Variants in PTPRT observed in about 807,000 individuals in gnomAD.
PTPRT encodes the protein protein tyrosine phosphatase receptor type T, also known as receptor-type tyrosine-protein phosphatase T.
Under a neutral mutation model 176.8 loss-of-function variants are expected in PTPRT, and 56 were observed. That is an observed-to-expected ratio of 0.32 (90% CI 0.26 to 0.40). The LOEUF (loss-of-function observed/expected upper bound fraction) is 0.40, where lower values mean the gene tolerates loss of function less well. Ranked by LOEUF, PTPRT falls within the 10% of genes least tolerant of loss-of-function variation. The pLI is 1.00. For missense variants in PTPRT, 1,540 were observed against 1,908.2 expected, an observed-to-expected ratio of 0.81 and a Z score of 3.60; for synonymous variants, 783 against 739.0, an observed-to-expected ratio of 1.06 and a Z score of -0.96.
chr20:42,446,398 G>A (rs939986339), intron 9 of PTPRT, among the ~76,000 whole-genome samples: 1 of 152,112 alleles, frequency 6.6e-6, no homozygotes, highest in Non-Finnish European at 1.5e-5. Context: ...AAGTACCCTA[G>A]GTTAGTCCCC....
rs761921500 is a variant in PTPRT, at chr20:42,274,716, C to A, written c.2176+7773G>T. Among the ~76,000 whole-genome samples, 8 of 152,050 alleles carry A rather than the reference C, an allele frequency of 5.3e-5. No individual in the cohort carries two copies. In the East Asian group the frequency reaches 5.8e-4, roughly 11 times the overall value. On this transcript the variant is annotated intron_variant, in intron 13 of 30. Coordinates refer to ENST00000373187, the MANE Select transcript of PTPRT (RefSeq NM_007050.6). ...TGCTGGGCTACAGATGGCCCTGGAG[C>A]AGACAACCCTGAAGACTAACTAATT... is the stretch of plus-strand genomic sequence containing the variant.
intron 15 of PTPRT, among the ~76,000 whole-genome samples, chr20:42,211,594 G>A (rs1222516679): frequency 6.7e-6 from 1 of 148,548 alleles, no homozygotes; most frequent in Admixed American, 6.7e-5. Flanking sequence ...AAACCACAAT[G>A]AGATACCATC....
At position 42,656,755 on chromosome 20, in the gene PTPRT, G is replaced by A. The variant is rs572770373; in HGVS notation, c.1153+21111C>T. Among the ~76,000 whole-genome samples the A allele has an allele frequency of 5.3e-5, 8 of 152,218 alleles. No homozygotes were observed. The East Asian group carries it at 9.6e-4, about 18-fold the overall frequency. The stretch of plus-strand genomic sequence containing the variant: ...AAAATTAGGAAAAACTTACATGTCT[G>A]GAAATCAAAGTTAGGATGAAATCAA... On this transcript the variant is annotated intron_variant, in intron 7 of 30. Coordinates refer to ENST00000373187, the MANE Select transcript of PTPRT (RefSeq NM_007050.6).
At position 42,351,685 on chromosome 20, in the gene PTPRT, AATTC is replaced by A. The variant is rs56938076; in HGVS notation, c.1762+395_1762+398del. ...TGGACTACTGTGGCCCTATAATAGTAATTCATTCATTCATTCATTCATTCATTCA... is the reference window on the plus strand; with the variant it reads ...TGGACTACTGTGGCCCTATAATAGTAATTCATTCATTCATTCATTCATTCA... On this transcript the variant is annotated intron_variant, in intron 10 of 30. Coordinates refer to ENST00000373187, the MANE Select transcript of PTPRT (RefSeq NM_007050.6). Among the ~76,000 whole-genome samples the A allele has an allele frequency of 1.5e-3, 219 of 150,948 alleles. No homozygotes were observed. The Middle Eastern group carries it at 0.024, about 17-fold the overall frequency.
At chr20:42,485,596 C>CT (rs902278977) in intron 7 of PTPRT, among the ~76,000 whole-genome samples, 7 of 151,490 alleles carry the variant, frequency 4.6e-5, no homozygotes, top group Middle Eastern at 3.2e-3. Flanking sequence ...GAAGTACTAC[C>CT]TTTTTTTTTC....
intron 3 of PTPRT, among the ~76,000 whole-genome samples, chr20:42,787,228 A>ATATAATT (rs2077304831): frequency 1.3e-5 from 2 of 152,208 alleles, no homozygotes; most frequent in Non-Finnish European, 2.9e-5. Flanking sequence ...TAGGAAGACT[A>ATATAATT]TATAATTTAT....
intron 15 of PTPRT, among the ~76,000 whole-genome samples, chr20:42,218,052 C>T (rs2055813190): frequency 6.6e-6 from 1 of 152,218 alleles, no homozygotes; most frequent in Non-Finnish European, 1.5e-5. Context: ...GCATGCTCTC[C>T]TCCTCACCCA....
chr20:42,528,455 T>TA (rs767833599), intron 7 of PTPRT, among the ~76,000 whole-genome samples: 14 of 151,924 alleles, frequency 9.2e-5, no homozygotes, highest in Non-Finnish European at 2.1e-4. Flanking sequence ...AATAAATGGA[T>TA]AATGAATGGA....
chr20:42,364,253 G>A (rs751218778), intron 9 of PTPRT, among the ~76,000 whole-genome samples: 12 of 152,124 alleles, frequency 7.9e-5, no homozygotes, highest in Admixed American at 1.3e-4. Flanking sequence ...GGGCCAGTGC[G>A]GGGCTGAAGG....
chr20:42,448,303 T>C lies in PTPRT; in HGVS notation c.1477A>G (p.Ile493Val), dbSNP rs1293077894. Residue 493 changes from isoleucine to valine, a missense_variant, in exon 9 of 31, where the codon ATC becomes GTC. Around this residue, in one of 11 missense-constraint regions of PTPRT, gnomAD observed 136 missense variants for 135.0 expected, o/e 1.01. Transcript: ENST00000373187. ...DVPGAVPLES[I>V]QGGPFEEKIY... ...TTCTCCTCAAAGGGCCCCCCTTGGA[T>C]GGATTCTAGAGGAACAGCTCCTGGA... 3.7e-6 allele frequency: 6 copies of C among 1,613,106 alleles called. No individual in the cohort carries two copies. In the African/African-American group the frequency reaches 4.0e-5, roughly 11 times the overall value.
chr20:42,765,844 C>T (rs1025785430), intron 5 of PTPRT, among the ~76,000 whole-genome samples: 1 of 151,962 alleles, frequency 6.6e-6, no homozygotes, highest in Non-Finnish European at 1.5e-5. Context: ...TTTAATGATA[C>T]CATTCCCTCA....
intron 1 of PTPRT, among the ~76,000 whole-genome samples, chr20:43,149,957 C>G (rs1358450647): frequency 6.6e-6 from 1 of 152,190 alleles, no homozygotes; most frequent in African/African-American, 2.4e-5. Flanking sequence ...AAGGGAAATG[C>G]AGAATATTAA....
intron 17 of PTPRT, among the ~76,000 whole-genome samples, chr20:42,151,967 C>T (rs1315499264): frequency 6.6e-6 from 1 of 152,176 alleles, no homozygotes; most frequent in African/African-American, 2.4e-5. Flanking sequence ...AAGGTCTGGT[C>T]TCTATTGTGG....
At chr20:42,492,867 T>C (rs6093659) in intron 7 of PTPRT, among the ~76,000 whole-genome samples, 22,881 of 152,132 alleles carry the variant, frequency 0.15, 4,260 homozygotes, top group African/African-American at 0.44. Context: ...CTGTTTGCAT[T>C]TGGAGTTCTA....
chr20:42,592,592 G>A (rs1437450658), intron 7 of PTPRT, among the ~76,000 whole-genome samples: 2 of 152,134 alleles, frequency 1.3e-5, no homozygotes, highest in African/African-American at 2.4e-5. Flanking sequence ...AATGGATCAA[G>A]CATTTTTCAG....
intron 7 of PTPRT, among the ~76,000 whole-genome samples, chr20:42,517,862 TGAG>T (rs904745272): frequency 2.6e-5 from 4 of 151,978 alleles, no homozygotes; most frequent in Admixed American, 2.6e-4. Flanking sequence ...CAGATTGAGT[TGAG>T]GATTCATTCC....
intron 23 of PTPRT, among the ~76,000 whole-genome samples, chr20:42,107,884 C>T (rs998824920): frequency 2.0e-5 from 3 of 152,204 alleles, no homozygotes; most frequent in Admixed American, 6.5e-5. Flanking sequence ...CTACCTACAA[C>T]AATTTGGAAA....
At chr20:42,151,079 A>T (rs1600594396) in intron 17 of PTPRT, among the ~76,000 whole-genome samples, 1 of 151,874 alleles carries the variant, frequency 6.6e-6, no homozygotes, top group African/African-American at 2.4e-5. Flanking sequence ...TTTTTGGTCC[A>T]CTTGTAGAAA....
chr20:42,046,089 C>T, the PTPRT span, among the ~76,000 whole-genome samples: 12 of 152,302 alleles, frequency 7.9e-5, no homozygotes, highest in East Asian at 5.8e-4. Context: ...TCATGTCCTC[C>T]GCCTCTGCGT....
Sources: allele counts gnomAD v4.1 joint callset (sites outside exome capture counted in the v4.1 genomes callset), GRCh38; gene constraint gnomAD v4.1.1; regional missense constraint gnomAD v4.1.1; transcripts MANE v1.5; gene names NCBI Gene and HGNC (gene_info 2026-07-23, HGNC 2026-07-21).